CHD8: variants seen among roughly 807,000 people sequenced by gnomAD.
The protein encoded by CHD8 is ATP-dependent chromatin remodeler CHD8.
Under a neutral mutation model 279.2 loss-of-function variants are expected in CHD8, and 31 were observed. The observed-to-expected ratio is 0.11, with a 90% CI of 0.08 to 0.15. The LOEUF is 0.15. Ranked by LOEUF, CHD8 falls within the 10% of genes least tolerant of loss-of-function variation. The pLI is 1.00. For missense variants in CHD8, 2,146 were observed against 3,230.5 expected, an observed-to-expected ratio of 0.66 and a Z score of 8.14; for synonymous variants, 1,081 against 1,139.6, an observed-to-expected ratio of 0.95 and a Z score of 1.04.
chr14:21,424,042 G>A (rs1432002767), intron 5 of CHD8, among the ~76,000 whole-genome samples: 1 of 152,096 alleles, frequency 6.6e-6, no homozygotes, highest in Non-Finnish European at 1.5e-5. Flanking sequence ...ATTATCAAGT[G>A]TACCAATATT....
intron 2 of CHD8, 99 bp downstream of exon 2, chr14:21,430,702 T>C (rs1272844377): frequency 4.1e-6 from 3 of 727,648 alleles, no homozygotes; most frequent in Non-Finnish European, 6.6e-6. Flanking sequence ...GGAATTTAAA[T>C]AGGCTTTCCC....
chr14:21,414,492 T>C (rs917018668), intron 8 of CHD8, 74 bp from the exon 9 acceptor site: 5 of 783,008 alleles, frequency 6.4e-6, no homozygotes, highest in Admixed American at 2.2e-5. Context: ...AATTTTGGGA[T>C]TAGTCAGAAG....
Position 21,402,325 on chromosome 14 carries a change from A to AG in CHD8, c.3882+10dup, listed in dbSNP as rs748338774. On this transcript the variant is annotated intron_variant, in intron 19 of 37. Transcript: ENST00000646647. This position sits in a 1 kb window ranked among gnomAD's most constrained non-coding sequence, Gnocchi z 4.5. Reference sequence around the variant, plus strand: ...CTACTACAAACTTATCTATAAACTAAGAGGACTCACTCCAGTAATGTTGCC... The same window carrying AG: ...CTACTACAAACTTATCTATAAACTAAGGAGGACTCACTCCAGTAATGTTGCC... 6.2e-7 allele frequency: 1 copy of AG among 1,613,802 alleles called. No homozygotes were observed. Among genetic ancestry groups the AG allele is most frequent in the South Asian group, 1.1e-5 (1 of 91,080 alleles).
chr14:21,424,693 A>G (rs368077693), intron 5 of CHD8, among the ~76,000 whole-genome samples: 2 of 152,070 alleles, frequency 1.3e-5, no homozygotes, highest in African/African-American at 2.4e-5. Context: ...GGATGGTCTC[A>G]ATCTCCTGAC....
chr14:21,421,256 T>C (rs1369718776), intron 5 of CHD8, among the ~76,000 whole-genome samples: 1 of 152,118 alleles, frequency 6.6e-6, no homozygotes, highest in African/African-American at 2.4e-5. Context: ...TATACATATA[T>C]ATACACACAC....
chr14:21,414,339 T>A lies in CHD8; in HGVS notation c.2104A>T (p.Lys702Ter), dbSNP rs1555316313. 1 of 1,573,588 alleles carries A rather than the reference T, an allele frequency of 6.4e-7. No individual in the cohort carries two copies. The highest frequency in any genetic ancestry group is 1.9e-5 in the Admixed American group (1 of 53,954). ...TGTCTCATCTGAGCCATTTTGGTTT[T>A]GAAGCGCTTTAATTTTTGATGTATC... ...KRIHQKLKRF[K>*]TKMAQMRHFF... The change falls in exon 9 of 38, where the codon AAA (lysine) becomes TAA (stop). Residue 702 changes from lysine (K) to a stop codon, truncating the protein, a stop_gained. Coordinates refer to ENST00000646647, the MANE Select transcript of CHD8 (RefSeq NM_001170629.2). LOFTEE classifies it high-confidence loss of function.
chr14:21,392,472 T>C, intron 34 of CHD8, 35 bp downstream of exon 34: 3 of 1,586,506 alleles, frequency 1.9e-6, no homozygotes, highest in Non-Finnish European at 2.6e-6. Context: ...TCCAGCCTCC[T>C]TCCCCACTTC....
chr14:21,395,947 G>C, intron 27 of CHD8, 55 bp from the exon 28 acceptor site: 1 of 1,153,828 alleles, frequency 8.7e-7, no homozygotes, highest in East Asian at 2.3e-5. Context: ...CTATCACTAA[G>C]GGAACCTAGG....
intron 1 of CHD8, chr14:21,436,988 G>A: frequency 1.6e-6 from 2 of 1,286,180 alleles, no homozygotes; most frequent in Non-Finnish European, 2.0e-6. Context: ...AAATGGAAAT[G>A]AGGTACATGC....
At position 21,392,234 on chromosome 14, in the gene CHD8, A is replaced by G. The variant is rs377437025; in HGVS notation, c.6771+273T>C. On this transcript the variant is annotated intron_variant, in intron 34 of 37. Transcript: ENST00000646647. ...CCCTACCTGGTGTCTCCGTATTAGCATGGCAACTCATCACAGGGGCAAAAT... is the reference window on the plus strand; with the variant it reads ...CCCTACCTGGTGTCTCCGTATTAGCGTGGCAACTCATCACAGGGGCAAAAT... The G allele has an allele frequency of 2.8e-5, 21 of 754,692 alleles. No homozygotes were observed. In the African/African-American group the frequency reaches 3.4e-4, roughly 12 times the overall value. The allele number at this position is 754,692 out of a possible 1,614,324, so 46.7% of individuals were successfully genotyped here.
chr14:21,399,140 C>A, intron 26 of CHD8: 1 of 284,674 alleles, frequency 3.5e-6, no homozygotes, highest in Non-Finnish European at 7.1e-6. Flanking sequence ...TGGTGCTTTG[C>A]CTCTGAGGTG....
intron 1 of CHD8, among the ~76,000 whole-genome samples, chr14:21,432,210 T>C (rs887635136): frequency 6.6e-6 from 1 of 152,210 alleles, no homozygotes; most frequent in African/African-American, 2.4e-5. Context: ...TTTAAGTTAG[T>C]AGAACTCAAA....
At chr14:21,431,962 A>G (rs188611594) in intron 1 of CHD8, 104 bp from the exon 2 acceptor site, 10 of 709,904 alleles carry the variant, frequency 1.4e-5, no homozygotes, top group Admixed American at 8.9e-5. Flanking sequence ...TAGCATGAAT[A>G]TAAGAGGGAA....
chr14:21,443,711 C>T (rs1297254141), intron 1 of CHD8, among the ~76,000 whole-genome samples: 1 of 151,676 alleles, frequency 6.6e-6, no homozygotes, highest in Non-Finnish European at 1.5e-5. Flanking sequence ...AGAAAATTAG[C>T]TAGGTGTGGT....
chr14:21,403,258 TG>T lies in CHD8; in HGVS notation c.3519-47del. 1 of 1,577,000 alleles carries T rather than the reference TG, an allele frequency of 6.3e-7. No individual in the cohort carries two copies. Among genetic ancestry groups the T allele is most frequent in the Non-Finnish European group, 8.7e-7 (1 of 1,152,790 alleles). ...AAAAATGTAAGTGGCTAAGCAGAAG[TG>T]GAGACCAAAACAGCAGGCTAGGATC... On this transcript the variant is annotated intron_variant, in intron 17 of 37. Coordinates refer to ENST00000646647, the MANE Select transcript of CHD8 (RefSeq NM_001170629.2). The surrounding 1 kb of genome is among the most constrained non-coding windows in gnomAD (Gnocchi z 4.3).
At chr14:21,429,455 A>G (rs1158774312) in intron 2 of CHD8, 120 bp from the exon 3 acceptor site, 3 of 1,018,686 alleles carry the variant, frequency 2.9e-6, no homozygotes, top group South Asian at 2.5e-5. Flanking sequence ...GACACAGTAC[A>G]ACTCACTTTG....
At chr14:21,447,004 T>C (rs1038593027) in intron 1 of CHD8, among the ~76,000 whole-genome samples, 3 of 152,246 alleles carry the variant, frequency 2.0e-5, no homozygotes, top group African/African-American at 7.2e-5. Context: ...TCAATGTATT[T>C]TTGTTGAAGG....
chr14:21,434,197 C>T lies in CHD8; in HGVS notation c.-215-2339G>A, dbSNP rs547986371. 3.9e-5 allele frequency among the ~76,000 whole-genome samples: 6 copies of T among 152,162 alleles called. No individual in the cohort carries two copies. In the South Asian group the frequency reaches 1.2e-3, roughly 32 times the overall value. ...AATAGCTGGGATTACAGGCCTGCGC[C>T]ACCACACTCGGCTAATTTTGTATTT... On this transcript the variant is annotated intron_variant, in intron 1 of 37. Coordinates refer to ENST00000646647, the MANE Select transcript of CHD8 (RefSeq NM_001170629.2).
chr14:21,449,503 G>A (rs749634647), intron 1 of CHD8, among the ~76,000 whole-genome samples: 2 of 152,138 alleles, frequency 1.3e-5, no homozygotes, highest in African/African-American at 2.4e-5. Context: ...CAGAATGGAG[G>A]GATACCGAAA....
Sources: gnomAD v4.1 joint callset for allele counts (sites outside exome capture counted in the v4.1 genomes callset) on GRCh38, gnomAD v4.1.1 for gene constraint, Gnocchi (gnomAD v3.1) non-coding constraint, MANE v1.5 for transcripts, NCBI Gene and HGNC (gene_info 2026-07-23, HGNC 2026-07-21) for gene names.